DNAI1: variants seen among roughly 807,000 people sequenced by gnomAD.
DNAI1 encodes dynein, axonemal, intermediate polypeptide 1.
DNAI1 carries 67 observed loss-of-function variants against 92.0 expected under a neutral mutation model. That is an observed-to-expected ratio of 0.73 (90% confidence interval 0.60 to 0.89). The LOEUF (loss-of-function observed/expected upper bound fraction) is 0.89. DNAI1 is among the 40% of genes least tolerant of loss of function. The pLI is 0.00. For synonymous variants in DNAI1, 323 were observed against 319.6 expected (o/e 1.01, Z -0.11); for missense variants, 839 against 866.6 (o/e 0.97, Z 0.40).
In DNAI1 at chr9:34,506,744, A is replaced by T; in HGVS notation, c.1181A>T (p.Asp394Val). ...GTCATGTGTCTCGACATCCACGTGG[A>T]CCACCCCTACCTGGTGGCAGTAGGC... ...SGVMCLDIHV[D>V]HPYLVAVGHY... Residue 394 changes from aspartate (D) to valine (V), a missense_variant, in exon 13 of 20, where the codon GAC (aspartate) becomes GTC (valine). Coordinates refer to ENST00000242317, the MANE Select transcript of DNAI1 (RefSeq NM_012144.4). 6.2e-7 allele frequency: 1 copy of T among 1,614,130 alleles called. No individual in the cohort carries two copies. Among genetic ancestry groups the T allele is most frequent in the Non-Finnish European group, 8.5e-7 (1 of 1,180,018 alleles).
chr9:34,483,055 C>T (rs1321248504), intron 1 of DNAI1, among the ~76,000 whole-genome samples: 2 of 152,326 alleles, frequency 1.3e-5, no homozygotes, highest in East Asian at 1.9e-4. Context: ...CTGGCTGCTC[C>T]GAGTGCGGGG....
At chr9:34,471,714 G>A (rs1409211190) in intron 1 of DNAI1, among the ~76,000 whole-genome samples, 1 of 151,888 alleles carries the variant, frequency 6.6e-6, no homozygotes, top group East Asian at 1.9e-4. Context: ...AGGTTGGAGT[G>A]AGCTAAGATC....
At chr9:34,472,925 G>A (rs1554683983) in intron 1 of DNAI1, among the ~76,000 whole-genome samples, 1 of 151,740 alleles carries the variant, frequency 6.6e-6, no homozygotes, top group Non-Finnish European at 1.5e-5. Context: ...TTATGACGAT[G>A]AGTATATAAC....
chr9:34,466,963 G>A lies in DNAI1; in HGVS notation c.48+7910G>A, dbSNP rs1026665669. On this transcript the variant is annotated intron_variant, in intron 1 of 19. Transcript: ENST00000242317. ...AGTCCTAGTTCAAATTCTTAAGGAGGGAATCTGATTGACCCTAGCTCATCT... is the reference window on the plus strand; with the variant it reads ...AGTCCTAGTTCAAATTCTTAAGGAGAGAATCTGATTGACCCTAGCTCATCT... Among the ~76,000 whole-genome samples the A allele has an allele frequency of 2.0e-5, 3 of 152,288 alleles. No homozygotes were observed. The East Asian group carries it at 5.8e-4, about 29-fold the overall frequency.
intron 1 of DNAI1, among the ~76,000 whole-genome samples, chr9:34,474,157 C>T (rs1430577715): frequency 6.6e-6 from 1 of 152,064 alleles, no homozygotes; most frequent in Non-Finnish European, 1.5e-5. Flanking sequence ...TGTGTTTTTC[C>T]ATTTTAAAAA....
At position 34,506,647 on chromosome 9, in the gene DNAI1, C is replaced by A; in HGVS notation, c.1084C>A (p.Arg362=). ...GGTAGATGACTTCATGAAGCAGAGCCGGGGCATGCTGCTGCTCTACAGCCT... is the reference window on the plus strand; with the variant it reads ...GGTAGATGACTTCATGAAGCAGAGCAGGGGCATGCTGCTGCTCTACAGCCT... ...YGSYDFMKQS[R]GMLLLYSLKN... Residue 362 remains arginine (R), a synonymous_variant, in exon 13 of 20, where the codon CGG becomes AGG. Transcript: ENST00000242317. 1 of 1,614,178 alleles carries A rather than the reference C, an allele frequency of 6.2e-7. No individual in the cohort carries two copies. Among genetic ancestry groups the A allele is most frequent in the Non-Finnish European group, 8.5e-7 (1 of 1,180,046 alleles).
rs562902419 is a variant in DNAI1, at chr9:34,481,437, C to G, written c.49-2011C>G. ...TGCCTCAGATATAGGACCTGTCTGG[C>G]TGGGCGCAAAAGAATATGTTGCCTC... is the stretch of plus-strand genomic sequence containing the variant. On this transcript the variant is annotated intron_variant, in intron 1 of 19. Transcript: ENST00000242317. Among the ~76,000 whole-genome samples the G allele has an allele frequency of 8.5e-5, 13 of 152,310 alleles. No individual in the cohort carries two copies. In the South Asian group the frequency reaches 2.7e-3, roughly 32 times the overall value.
chr9:34,484,706 T>C (rs1187133404), intron 2 of DNAI1, among the ~76,000 whole-genome samples: 1 of 152,120 alleles, frequency 6.6e-6, no homozygotes, highest in Non-Finnish European at 1.5e-5. Context: ...AACCTTAAGG[T>C]GGTAGTTGGG....
At chr9:34,462,924 A>C (rs1448318443) in intron 1 of DNAI1, among the ~76,000 whole-genome samples, 2 of 152,232 alleles carry the variant, frequency 1.3e-5, no homozygotes, top group Non-Finnish European at 2.9e-5. Context: ...CCCTGCTCTC[A>C]TGGAGCTTAT....
chr9:34,505,880 C>T (rs1394110677), intron 12 of DNAI1, among the ~76,000 whole-genome samples: 5 of 152,168 alleles, frequency 3.3e-5, no homozygotes, highest in Admixed American at 1.3e-4. Context: ...GAGCTGGTGG[C>T]GGAAGGGCTG....
chr9:34,489,010 G>T lies in DNAI1; in HGVS notation c.262-313G>T, dbSNP rs1157998123. Among the ~76,000 whole-genome samples the T allele has an allele frequency of 4.6e-5, 7 of 152,310 alleles. No homozygotes were observed. In the South Asian group the frequency reaches 1.5e-3, roughly 32 times the overall value. On this transcript the variant is annotated intron_variant, in intron 4 of 19. Coordinates refer to ENST00000242317, the MANE Select transcript of DNAI1 (RefSeq NM_012144.4). ...ATGGCAAGTGAACTTGAAACCCTTGGCATGGAAGTAGGAGACAAGACATAT... is the reference window on the plus strand; with the variant it reads ...ATGGCAAGTGAACTTGAAACCCTTGTCATGGAAGTAGGAGACAAGACATAT...
At chr9:34,500,580 C>A in intron 10 of DNAI1, 142 bp from the exon 11 acceptor site, 1 of 684,026 alleles carries the variant, frequency 1.5e-6, no homozygotes, top group Non-Finnish European at 2.7e-6. Flanking sequence ...CACAACAGAA[C>A]TCTGAGATAG....
At chr9:34,501,395 T>A (rs1824828580) in intron 12 of DNAI1, among the ~76,000 whole-genome samples, 1 of 152,130 alleles carries the variant, frequency 6.6e-6, no homozygotes, top group Middle Eastern at 3.4e-3. Context: ...CTTGAAGGAG[T>A]TATTCTGGTG....
chr9:34,513,293 C>T lies in DNAI1; in HGVS notation c.1569+102C>T, dbSNP rs764202124. ...TCCTATTTTGATGGATTTTAGTTCC[C>T]GTCAGTTCTAGAAGGCCTCTTGAGG... On this transcript the variant is annotated intron_variant, in intron 16 of 19. Coordinates refer to ENST00000242317, the MANE Select transcript of DNAI1 (RefSeq NM_012144.4). 9.5e-5 allele frequency: 91 copies of T among 952,978 alleles called. No homozygotes were observed. In the Middle Eastern group the frequency reaches 1.1e-3, roughly 11 times the overall value. The allele number at this position is 952,978 out of a possible 1,614,324, so 59.0% of individuals were successfully genotyped here.
chr9:34,517,713 G>A (rs1825196901), intron 19 of DNAI1, among the ~76,000 whole-genome samples: 1 of 152,232 alleles, frequency 6.6e-6, no homozygotes, highest in Non-Finnish European at 1.5e-5. Context: ...CATCCAATGA[G>A]CAGGTGGATC....
chr9:34,481,492 C>T (rs926250875), intron 1 of DNAI1, among the ~76,000 whole-genome samples: 1 of 152,180 alleles, frequency 6.6e-6, no homozygotes, highest in African/African-American at 2.4e-5. Flanking sequence ...TGGGAAGGCT[C>T]AACCTCCTTT....
chr9:34,513,226 G>A (rs375399473), intron 16 of DNAI1, 35 bp downstream of exon 16: 198 of 1,540,524 alleles, frequency 1.3e-4, no homozygotes, highest in Admixed American at 2.5e-4. Context: ...TTAGAAGGCC[G>A]CTTAGACCTG....
At chr9:34,502,431 G>T (rs991421543) in intron 12 of DNAI1, among the ~76,000 whole-genome samples, 4 of 152,134 alleles carry the variant, frequency 2.6e-5, no homozygotes, top group African/African-American at 9.7e-5. Context: ...GGACCCCCCT[G>T]TGAGGCTACT....
intron 2 of DNAI1, 108 bp from the exon 3 acceptor site, chr9:34,485,034 C>A: frequency 9.6e-7 from 1 of 1,045,878 alleles, no homozygotes; most frequent in Non-Finnish European, 1.5e-6. Context: ...ATTCTACATA[C>A]AAGGGGCAGA....
Sources: allele counts gnomAD v4.1 joint callset (sites outside exome capture counted in the v4.1 genomes callset), GRCh38; gene constraint gnomAD v4.1.1; transcripts MANE v1.5; gene names NCBI Gene and HGNC (gene_info 2026-07-23, HGNC 2026-07-21).